DACH1: variants seen among roughly 807,000 people sequenced by gnomAD.
DACH1 encodes the protein dachshund family transcription factor 1.
DACH1 carries 12 observed loss-of-function variants against 54.2 expected under a neutral mutation model. That is an observed-to-expected ratio of 0.22 (90% CI 0.14 to 0.36). The LOEUF is 0.36. DACH1 is among the 10% of genes least tolerant of loss of function. DACH1 has a pLI of 1.00. For missense variants in DACH1, 805 were observed against 929.8 expected, an observed-to-expected ratio of 0.87 and a Z score of 1.75; for synonymous variants, 386 against 366.2, an observed-to-expected ratio of 1.05 and a Z score of -0.62.
intron 1 of DACH1, among the ~76,000 whole-genome samples, chr13:71,738,719 G>A (rs1387868154): frequency 7.3e-5 from 7 of 96,076 alleles, no homozygotes; most frequent in South Asian, 4.0e-4. Context: ...GCAACAGAGC[G>A]AGACTCTGTC....
chr13:71,590,034 A>G (rs1263789024), intron 3 of DACH1, among the ~76,000 whole-genome samples: 1 of 152,108 alleles, frequency 6.6e-6, no homozygotes, highest in Non-Finnish European at 1.5e-5. Context: ...TGTTTATGCT[A>G]AACATAAATC....
chr13:71,726,271 A>C lies in DACH1; in HGVS notation c.849-44361T>G, dbSNP rs560216698. ...TGTGAATTTTCCTATTTATATGCAC[A>C]TAGGCACTAGTATCATTACTGAGAG... is the stretch of plus-strand genomic sequence containing the variant. On this transcript the variant is annotated intron_variant, in intron 1 of 10. Coordinates refer to ENST00000613252, the MANE Select transcript of DACH1 (RefSeq NM_080759.6). Among the ~76,000 whole-genome samples, 83 of 152,256 alleles carry C rather than the reference A, an allele frequency of 5.5e-4. 5 individuals carry two copies. The South Asian group carries it at 0.017, about 31-fold the overall frequency.
chr13:71,787,649 G>T (rs1004795964), intron 1 of DACH1, among the ~76,000 whole-genome samples: 1 of 152,144 alleles, frequency 6.6e-6, no homozygotes, highest in African/African-American at 2.4e-5. Flanking sequence ...CAAGCCAACA[G>T]CTGGAAACTC....
Position 71,866,394 on chromosome 13 carries a change from C to T in DACH1, c.376G>A (p.Gly126Ser). ...ATGGGGGTGCTGGAAGCGACGCCGC[C>T]GCCAGCGCTGATGCCGCCGCCGCCG... ...GGGGGGISAGGGVASSTPINA... is the reference protein window; with the variant it reads ...GGGGGGISAGSGVASSTPINA... Residue 126 changes from glycine to serine, a missense_variant, in exon 1 of 11, where the codon GGC becomes AGC. Gly to Ser is a moderately conservative substitution (Grantham distance 56). Transcript: ENST00000613252. The T allele has an allele frequency of 8.2e-6, 12 of 1,472,104 alleles. No individual in the cohort carries two copies. Among genetic ancestry groups the T allele is most frequent in the Non-Finnish European group, 9.0e-6 (10 of 1,106,748 alleles). 91.2% of individuals were successfully genotyped at this position (1,472,104 alleles called of 1,614,324 possible). A position where few individuals can be genotyped will look rare whatever the true frequency, so the allele number is the denominator to read the frequency against.
chr13:71,501,176 T>A (rs573144627), intron 6 of DACH1, among the ~76,000 whole-genome samples: 3 of 152,280 alleles, frequency 2.0e-5, no homozygotes, highest in Admixed American at 1.3e-4. Context: ...AAAATTAAAC[T>A]ATAACTCGAT....
chr13:71,642,192 C>T (rs1026439814), intron 2 of DACH1, among the ~76,000 whole-genome samples: 2 of 152,128 alleles, frequency 1.3e-5, no homozygotes, highest in Admixed American at 6.6e-5. Flanking sequence ...TTATACCGTA[C>T]CATGAGATTC....
chr13:71,606,263 G>A (rs969162224), intron 3 of DACH1, among the ~76,000 whole-genome samples: 14 of 151,954 alleles, frequency 9.2e-5, no homozygotes, highest in Non-Finnish European at 1.3e-4. Flanking sequence ...TTTTGTTTAA[G>A]CTGTCCATTT....
intron 3 of DACH1, among the ~76,000 whole-genome samples, chr13:71,604,993 T>G (rs1002982093): frequency 2.6e-5 from 4 of 151,918 alleles, no homozygotes; most frequent in Non-Finnish European, 5.9e-5. Flanking sequence ...TATAAATGTA[T>G]ACATGCATAA....
chr13:71,557,893 G>A (rs555356373), intron 5 of DACH1, among the ~76,000 whole-genome samples: 17 of 148,750 alleles, frequency 1.1e-4, no homozygotes, highest in Non-Finnish European at 2.4e-4. Context: ...CTAAGGAACT[G>A]TTCCAGATTA....
intron 2 of DACH1, among the ~76,000 whole-genome samples, chr13:71,664,553 C>T (rs1879707207): frequency 1.3e-5 from 2 of 152,000 alleles, no homozygotes; most frequent in Middle Eastern, 3.4e-3. Context: ...ATACTAATGA[C>T]AGAATTGTGA....
At chr13:71,753,669 G>T (rs558490535) in intron 1 of DACH1, among the ~76,000 whole-genome samples, 3 of 152,108 alleles carry the variant, frequency 2.0e-5, no homozygotes, top group Non-Finnish European at 2.9e-5. Flanking sequence ...AACTTGCTTC[G>T]CAAGTGGAAG....
intron 10 of DACH1, among the ~76,000 whole-genome samples, chr13:71,452,318 G>A (rs982420926): frequency 6.6e-6 from 1 of 152,038 alleles, no homozygotes; most frequent in East Asian, 1.9e-4. Flanking sequence ...AGTAAAGACA[G>A]GGTTTCACCT....
intron 6 of DACH1, among the ~76,000 whole-genome samples, chr13:71,534,693 G>T (rs560034743): frequency 6.6e-6 from 1 of 151,758 alleles, no homozygotes; most frequent in East Asian, 1.9e-4. Context: ...CTCTTCTGAT[G>T]TGTGGAGAAA....
intron 6 of DACH1, among the ~76,000 whole-genome samples, chr13:71,528,793 G>T (rs557145217): frequency 6.6e-6 from 1 of 152,068 alleles, no homozygotes; most frequent in African/African-American, 2.4e-5. Context: ...CTTCCACCTT[G>T]CAAGTCATTT....
intron 1 of DACH1, among the ~76,000 whole-genome samples, chr13:71,785,621 T>C (rs906907012): frequency 1.3e-5 from 2 of 152,210 alleles, no homozygotes; most frequent in Non-Finnish European, 2.9e-5. Context: ...CTTTTCAATA[T>C]AGCTGAAAAG....
At chr13:71,817,535 C>T (rs1356483274) in intron 1 of DACH1, among the ~76,000 whole-genome samples, 4 of 152,154 alleles carry the variant, frequency 2.6e-5, no homozygotes, top group Admixed American at 6.5e-5. Context: ...GTCGCAACAG[C>T]TAGTCACATG....
chr13:71,708,248 T>C (rs1028715041), intron 1 of DACH1, among the ~76,000 whole-genome samples: 6 of 152,112 alleles, frequency 3.9e-5, no homozygotes, highest in Non-Finnish European at 7.4e-5. Flanking sequence ...GCAAACCATA[T>C]AGTCAAATTA....
At chr13:71,478,116 C>G (rs1291950172) in intron 8 of DACH1, among the ~76,000 whole-genome samples, 1 of 152,158 alleles carries the variant, frequency 6.6e-6, no homozygotes. Context: ...ACATGGCTGT[C>G]TCATGGAAGC....
At chr13:71,619,832 A>T (rs1319340651) in intron 3 of DACH1, among the ~76,000 whole-genome samples, 1 of 151,916 alleles carries the variant, frequency 6.6e-6, no homozygotes, top group African/African-American at 2.4e-5. Context: ...AAACAGTGCC[A>T]ATATGTACTA....
Sources: gnomAD v4.1 joint callset for allele counts (sites outside exome capture counted in the v4.1 genomes callset) on GRCh38, gnomAD v4.1.1 for gene constraint, MANE v1.5 for transcripts, NCBI Gene and HGNC (gene_info 2026-07-23, HGNC 2026-07-21) for gene names.